ARF4: variants seen among roughly 807,000 people sequenced by gnomAD.
ARF4 encodes ARF GTPase 4, also known as ADP-ribosylation factor 4.
Under a neutral mutation model 24.3 loss-of-function variants are expected in ARF4, and 5 were observed. That is an observed-to-expected ratio of 0.21 (90% confidence interval 0.11 to 0.43). The LOEUF is 0.43. Ranked by LOEUF, ARF4 falls within the 20% of genes least tolerant of loss-of-function variation. The pLI, the probability that ARF4 is intolerant of heterozygous loss-of-function variation, is 1.00. For synonymous variants in ARF4, 62 were observed against 73.5 expected, an observed-to-expected ratio of 0.84 and a Z score of 0.80; for missense variants, 107 against 213.0, an observed-to-expected ratio of 0.50 and a Z score of 3.10.
At chr3:57,576,794 G>A (rs1306571349) in intron 4 of ARF4, among the ~76,000 whole-genome samples, 1 of 152,070 alleles carries the variant, frequency 6.6e-6, no homozygotes, top group East Asian at 1.9e-4. Context: ...AAATGCCACT[G>A]TGAACCAAAC....
chr3:57,584,509 C>A, intron 1 of ARF4, 45 bp from the exon 2 acceptor site: 1 of 1,466,260 alleles, frequency 6.8e-7, no homozygotes, highest in Admixed American at 1.8e-5. Flanking sequence ...CAAAAGCACA[C>A]TCCAAGAAAT....
intron 3 of ARF4, among the ~76,000 whole-genome samples, chr3:57,578,783 A>AT (rs1342658158): frequency 6.6e-6 from 1 of 152,094 alleles, no homozygotes; most frequent in Non-Finnish European, 1.5e-5. Flanking sequence ...CTGGCCCATT[A>AT]TTAGAATTCT....
At position 57,572,059 on chromosome 3, in the gene ARF4, C is replaced by A; in HGVS notation, c.*153G>T. ...CACATTGCTAAATAGCAACATTATA[C>A]TCGGTAAACAATAATTGGCAACAAA... On this transcript the variant is annotated 3_prime_UTR_variant, in exon 6 of 6. Transcript: ENST00000303436. 1.7e-6 allele frequency: 1 copy of A among 601,840 alleles called. No individual in the cohort carries two copies. Among genetic ancestry groups the A allele is most frequent in the Non-Finnish European group, 3.0e-6 (1 of 338,008 alleles). The allele number at this position is 601,840 out of a possible 1,614,324, so 37.3% of individuals were successfully genotyped here.
chr3:57,583,858 C>A, intron 3 of ARF4, 40 bp downstream of exon 3: 2 of 1,391,964 alleles, frequency 1.4e-6, no homozygotes, highest in Admixed American at 1.9e-5. Context: ...GAGCATGAAA[C>A]CCACAAAGAA....
intron 5 of ARF4, among the ~76,000 whole-genome samples, chr3:57,574,852 TC>T (rs1381617140): frequency 2.0e-5 from 3 of 151,824 alleles, no homozygotes; most frequent in Non-Finnish European, 4.4e-5. Context: ...ACCCCCCATC[TC>T]CACTTTTTTT....
In ARF4 at chr3:57,597,246, A is replaced by C. The variant is rs957978009; in HGVS notation, c.-106T>G. ...AAACTAAACGAGAGGGAAGAGAAAG[A>C]GCGGAGGAAGAAAGAGGGAGGCAGA... On this transcript the variant is annotated 5_prime_UTR_variant, in exon 1 of 6. Transcript: ENST00000303436. The C allele has an allele frequency of 5.3e-6, 6 of 1,133,728 alleles. No individual in the cohort carries two copies. The highest frequency in any genetic ancestry group is 7.7e-6 in the Non-Finnish European group (6 of 774,616). 70.2% of individuals were successfully genotyped at this position (1,133,728 alleles called of 1,614,324 possible).
At chr3:57,589,732 A>T (rs914217122) in intron 1 of ARF4, among the ~76,000 whole-genome samples, 1 of 151,124 alleles carries the variant, frequency 6.6e-6, no homozygotes, top group Admixed American at 6.6e-5. Flanking sequence ...AAACAAACAA[A>T]AAACCCAAAA....
At position 57,596,930 on chromosome 3, in the gene ARF4, C is replaced by T. The variant is rs1485916298; in HGVS notation, c.67+144G>A. The T allele has an allele frequency of 3.8e-6, 3 of 793,594 alleles. No homozygotes were observed. In the South Asian group the frequency reaches 5.1e-5, roughly 13 times the overall value. The allele number at this position is 793,594 out of a possible 1,614,324, so 49.2% of individuals were successfully genotyped here. A position where few individuals can be genotyped will look rare whatever the true frequency, so the allele number is the denominator to read the frequency against. Reference sequence around the variant, plus strand: ...TCGCTCACCCTCCGCTCCATTGTTCCCCCTTAAGAATTCCTTCCGACCCCC... The same window carrying T: ...TCGCTCACCCTCCGCTCCATTGTTCTCCCTTAAGAATTCCTTCCGACCCCC... On this transcript the variant is annotated intron_variant, in intron 1 of 5. Transcript: ENST00000303436.
At chr3:57,583,001 C>G (rs2069994499) in intron 3 of ARF4, among the ~76,000 whole-genome samples, 1 of 152,200 alleles carries the variant, frequency 6.6e-6, no homozygotes, top group South Asian at 2.1e-4. Flanking sequence ...TTGAGGGCAG[C>G]TGCTATTGCC....
intron 1 of ARF4, 121 bp downstream of exon 1, chr3:57,596,946 TCCGACCC>T (rs1205516071): frequency 4.0e-6 from 4 of 992,112 alleles, no homozygotes; most frequent in Non-Finnish European, 6.0e-6. Context: ...AAGAATTCCT[TCCGACCC>T]CCGACCCGGC....
At chr3:57,577,458 A>C (rs1478378192) in intron 3 of ARF4, 71 bp from the exon 4 acceptor site, 1 of 1,207,290 alleles carries the variant, frequency 8.3e-7, no homozygotes, top group Non-Finnish European at 1.2e-6. Context: ...TGTAGGCAGC[A>C]AAATGGTACC....
intron 1 of ARF4, 51 bp from the exon 2 acceptor site, chr3:57,584,515 G>C (rs1164915809): frequency 7.0e-7 from 1 of 1,438,650 alleles, no homozygotes. Context: ...CACACTCCAA[G>C]AAATAATTTT....
chr3:57,586,057 C>T (rs1055169093), intron 1 of ARF4, among the ~76,000 whole-genome samples: 1 of 152,128 alleles, frequency 6.6e-6, no homozygotes, highest in African/African-American at 2.4e-5. Context: ...AGAGGCTATA[C>T]CTCCTTGTAG....
Position 57,584,538 on chromosome 3 carries a change from T to C in ARF4, c.68-74A>G, listed in dbSNP as rs1351805385. The C allele has an allele frequency of 3.7e-6, 5 of 1,340,694 alleles. No homozygotes were observed. The East Asian group carries it at 7.0e-5, about 19-fold the overall frequency. 83.0% of individuals were successfully genotyped at this position (1,340,694 alleles called of 1,614,324 possible). Reference sequence around the variant, plus strand: ...AAGAAATAATTTTACAATAAATTTATAGTTCAAAACTAGAAGTTGACTGTT... The same window carrying C: ...AAGAAATAATTTTACAATAAATTTACAGTTCAAAACTAGAAGTTGACTGTT... On this transcript the variant is annotated intron_variant, in intron 1 of 5. Transcript: ENST00000303436.
chr3:57,595,908 G>A (rs2070175699), intron 1 of ARF4, among the ~76,000 whole-genome samples: 1 of 151,410 alleles, frequency 6.6e-6, no homozygotes, highest in African/African-American at 2.4e-5. Context: ...CCGAGATTGC[G>A]CCACTGCACT....
chr3:57,592,740 TTC>T (rs1238056363), intron 1 of ARF4, among the ~76,000 whole-genome samples: 1 of 152,196 alleles, frequency 6.6e-6, no homozygotes, highest in Non-Finnish European at 1.5e-5. Flanking sequence ...TTTTTGCCTT[TTC>T]TGTTTCCTAT....
chr3:57,587,266 C>G (rs1301863324), intron 1 of ARF4, among the ~76,000 whole-genome samples: 1 of 148,718 alleles, frequency 6.7e-6, no homozygotes, highest in Admixed American at 6.9e-5. Flanking sequence ...TTGCAGTGAG[C>G]CGAGATCGTG....
At chr3:57,597,008 A>G (rs2070197515) in intron 1 of ARF4, 66 bp downstream of exon 1, 1 of 1,560,140 alleles carries the variant, frequency 6.4e-7, no homozygotes, top group African/African-American at 1.4e-5. Flanking sequence ...ACAGGCCCAG[A>G]GGCCACCCCA....
At chr3:57,590,989 C>G (rs952521401) in intron 1 of ARF4, among the ~76,000 whole-genome samples, 1 of 152,178 alleles carries the variant, frequency 6.6e-6, no homozygotes, top group Non-Finnish European at 1.5e-5. Context: ...GACTTTAATT[C>G]TCACAATAAC....
Sources: gnomAD v4.1 joint callset for allele counts (sites outside exome capture counted in the v4.1 genomes callset) on GRCh38, gnomAD v4.1.1 for gene constraint, MANE v1.5 for transcripts, NCBI Gene and HGNC (gene_info 2026-07-23, HGNC 2026-07-21) for gene names.